Variants in SULF2 observed in about 807,000 individuals in gnomAD.
The protein encoded by SULF2 is extracellular sulfatase Sulf-2.
SULF2 carries 52 observed loss-of-function variants against 107.7 expected under a neutral mutation model. That is an observed-to-expected ratio of 0.48 (90% CI 0.39 to 0.61). The LOEUF (loss-of-function observed/expected upper bound fraction) is 0.61, where lower values mean the gene tolerates loss of function less well. Among genes scored for constraint, SULF2 ranks in the 20% least tolerant of loss-of-function variants. The pLI, the probability that SULF2 is intolerant of heterozygous loss-of-function variation, is 0.00. For synonymous variants in SULF2, 460 were observed against 464.3 expected (o/e 0.99, Z 0.12); for missense variants, 993 against 1,177.3 (o/e 0.84, Z 2.29).
chr20:47,769,365 T>TA (rs2090586617), intron 1 of SULF2, among the ~76,000 whole-genome samples: 2 of 151,254 alleles, frequency 1.3e-5, no homozygotes, highest in Non-Finnish European at 3.0e-5. Context: ...TTGTATTTTT[T>TA]TTTTTTTTTT....
Position 47,678,150 on chromosome 20 carries a change from C to A in SULF2, c.1193+526G>T, listed in dbSNP as rs57748823. Reference sequence around the variant, plus strand: ...CACCTAGGAATATGTTCCCATCACACCCTCCAGCATTAAAGTTATGGGGCG... The same window carrying A: ...CACCTAGGAATATGTTCCCATCACAACCTCCAGCATTAAAGTTATGGGGCG... On this transcript the variant is annotated intron_variant, in intron 8 of 20. Transcript: ENST00000688720. The surrounding 1 kb of genome is among the most constrained non-coding windows in gnomAD (Gnocchi z 4.5). 0.012 allele frequency: 1,833 copies of A among 153,294 alleles called. 44 individuals are homozygous for A. The highest frequency in any genetic ancestry group is 0.04 in the African/African-American group (1,682 of 41,558). The allele number at this position is 153,294 out of a possible 1,614,324, so 9.5% of individuals were successfully genotyped here. A position where few individuals can be genotyped will look rare whatever the true frequency, so the allele number is the denominator to read the frequency against.
chr20:47,663,058 G>T lies in SULF2; in HGVS notation c.2370+12C>A. On this transcript the variant is annotated intron_variant, in intron 17 of 20. Coordinates refer to ENST00000688720, the MANE Select transcript of SULF2 (RefSeq NM_001387048.1). ...CCCACACCCCCATCCCTCTAGCTCG[G>T]GTTGCCTGTACCTGGTAGGGGTCTG... 3 of 1,614,058 alleles carry T rather than the reference G, an allele frequency of 1.9e-6. No homozygotes were observed. The highest frequency in any genetic ancestry group is 2.5e-6 in the Non-Finnish European group (3 of 1,179,998).
intron 17 of SULF2, among the ~76,000 whole-genome samples, chr20:47,662,853 G>A (rs1054469514): frequency 4.8e-5 from 7 of 146,888 alleles, no homozygotes; most frequent in East Asian, 2.0e-4. Flanking sequence ...TATTACACAC[G>A]CAGGGTGATG....
intron 1 of SULF2, among the ~76,000 whole-genome samples, chr20:47,767,367 G>A (rs1346663889): frequency 6.6e-6 from 1 of 152,214 alleles, no homozygotes; most frequent in African/African-American, 2.4e-5. Flanking sequence ...GTCTGAGGCC[G>A]GGTGTGGCGG....
rs71183273 is a variant in SULF2, at chr20:47,731,187, CTTTTTTTT to C, written c.415+5508_415+5515del. ...TGCCTGCTACTCACCTGTATCTTCT[CTTTTTTTT>C]TTTTTTTTTTTTTTTGAGACAGAGT... On this transcript the variant is annotated intron_variant, in intron 3 of 20. Coordinates refer to ENST00000688720, the MANE Select transcript of SULF2 (RefSeq NM_001387048.1). Among the ~76,000 whole-genome samples the C allele has an allele frequency of 8.6e-3, 695 of 81,174 alleles. 12 individuals are homozygous for C. The highest frequency in any genetic ancestry group is 0.04 in the African/African-American group (639 of 16,084). 53.3% of individuals were successfully genotyped at this position (81,174 alleles called of 152,430 possible). A position where few individuals can be genotyped will look rare whatever the true frequency, so the allele number is the denominator to read the frequency against.
intron 2 of SULF2, among the ~76,000 whole-genome samples, chr20:47,741,662 G>C (rs572728015): frequency 6.6e-6 from 1 of 152,184 alleles, no homozygotes; most frequent in Non-Finnish European, 1.5e-5. Context: ...GGCACCCCAA[G>C]TGGAATCGAT....
intron 1 of SULF2, among the ~76,000 whole-genome samples, chr20:47,783,272 G>A (rs1432123581): frequency 6.6e-6 from 1 of 152,166 alleles, no homozygotes; most frequent in Non-Finnish European, 1.5e-5. Flanking sequence ...CAGGGCTTCT[G>A]GACTCCTTCT....
At chr20:47,726,405 A>G (rs1256908080) in intron 3 of SULF2, among the ~76,000 whole-genome samples, 1 of 151,726 alleles carries the variant, frequency 6.6e-6, no homozygotes, top group East Asian at 1.9e-4. Flanking sequence ...GTAAAGATAC[A>G]GGTCTTACTA....
rs1034729822 is a variant in SULF2 at position 47,749,010 on chromosome 20, T to G, written c.175+8179A>C. Among the ~76,000 whole-genome samples the G allele has an allele frequency of 6.4e-5, 9 of 140,460 alleles. No homozygotes were observed. In the East Asian group the frequency reaches 1.5e-3, roughly 24 times the overall value. The allele number at this position is 140,460 out of a possible 152,430, so 92.1% of individuals were successfully genotyped here. A position where few individuals can be genotyped will look rare whatever the true frequency, so the allele number is the denominator to read the frequency against. ...GTGTTGCATGTGACTTCTGAAGTGG[T>G]TTTTTTTTTTTTCTTTTTCCTGCCC... On this transcript the variant is annotated intron_variant, in intron 2 of 20. Transcript: ENST00000688720.
chr20:47,682,885 C>T, intron 7 of SULF2, 109 bp downstream of exon 7: 1 of 1,115,128 alleles, frequency 9.0e-7, no homozygotes, highest in Non-Finnish European at 1.3e-6. Flanking sequence ...TGGGGTACAT[C>T]TGCGAAAACT....
intron 3 of SULF2, among the ~76,000 whole-genome samples, chr20:47,732,476 G>A (rs771938639): frequency 6.6e-6 from 1 of 152,186 alleles, no homozygotes; most frequent in African/African-American, 2.4e-5. Flanking sequence ...GGATATATAA[G>A]TGATCACAGG....
chr20:47,768,649 A>AT (rs1304445094), intron 1 of SULF2, among the ~76,000 whole-genome samples: 1 of 152,206 alleles, frequency 6.6e-6, no homozygotes, highest in Non-Finnish European at 1.5e-5. Context: ...TTGACAACTG[A>AT]TAAGAGAAGG....
intron 18 of SULF2, 29 bp downstream of exon 18, chr20:47,661,744 A>G (rs757961951): frequency 6.7e-7 from 1 of 1,503,438 alleles, no homozygotes; most frequent in East Asian, 2.4e-5. Flanking sequence ...CCTGCTGTCC[A>G]AGGGCCCCAC....
At chr20:47,701,858 G>A (rs916307928) in intron 4 of SULF2, among the ~76,000 whole-genome samples, 7 of 152,134 alleles carry the variant, frequency 4.6e-5, no homozygotes, top group South Asian at 4.1e-4. Flanking sequence ...GGGGAATTCC[G>A]TGAGGGGACT....
Position 47,757,438 on chromosome 20 carries a change from T to C in SULF2, c.-75A>G. 2 of 1,455,600 alleles carry C rather than the reference T, an allele frequency of 1.4e-6. No homozygotes were observed. Among genetic ancestry groups the C allele is most frequent in the Non-Finnish European group, 1.8e-6 (2 of 1,086,006 alleles). The allele number at this position is 1,455,600 out of a possible 1,614,324, so 90.2% of individuals were successfully genotyped here. A position where few individuals can be genotyped will look rare whatever the true frequency, so the allele number is the denominator to read the frequency against. On this transcript the variant is annotated 5_prime_UTR_variant, in exon 2 of 21. Transcript: ENST00000688720. ...GTTGCGTCTGTGGCTTTGTTTCTTT[T>C]CCCTCGTCCCTCTTCACTCGCAGAT... is the stretch of plus-strand genomic sequence containing the variant.
chr20:47,778,245 CT>C (rs1410845635), intron 1 of SULF2, among the ~76,000 whole-genome samples: 1 of 152,242 alleles, frequency 6.6e-6, no homozygotes, highest in East Asian at 1.9e-4. Flanking sequence ...CATTCTTCCC[CT>C]AACACATCTG....
At chr20:47,661,214 C>T (rs1455109735) in intron 18 of SULF2, among the ~76,000 whole-genome samples, 1 of 152,102 alleles carries the variant, frequency 6.6e-6, no homozygotes, top group African/African-American at 2.4e-5. Context: ...CTGCTCCTCA[C>T]ACTTTAAGCT....
intron 10 of SULF2, 36 bp downstream of exon 10, chr20:47,676,458 A>AG (rs755212212): frequency 1.3e-6 from 2 of 1,596,472 alleles, no homozygotes; most frequent in East Asian, 4.5e-5. Context: ...TGCAGTCAGG[A>AG]GGGGGAGCCG....
intron 1 of SULF2, among the ~76,000 whole-genome samples, chr20:47,779,386 G>A (rs1210839430): frequency 2.6e-5 from 4 of 152,086 alleles, no homozygotes; most frequent in African/African-American, 4.8e-5. Flanking sequence ...AGGAAGTCCT[G>A]TGGGCCCTAC....
Sources: allele counts gnomAD v4.1 joint callset (sites outside exome capture counted in the v4.1 genomes callset), GRCh38; gene constraint gnomAD v4.1.1; non-coding constraint Gnocchi (gnomAD v3.1); transcripts MANE v1.5; gene names NCBI Gene and HGNC (gene_info 2026-07-23, HGNC 2026-07-21).